SEMA5A: variants seen among roughly 807,000 people sequenced by gnomAD.
SEMA5A encodes the protein semaphorin 5A.
Under a neutral mutation model 135.5 loss-of-function variants are expected in SEMA5A, and 55 were observed. The ratio of observed to expected loss-of-function variants is 0.41; its 90% CI spans 0.33 to 0.51. SEMA5A has a LOEUF of 0.51. Ranked by LOEUF, SEMA5A falls within the 20% of genes least tolerant of loss-of-function variation. The probability of loss-of-function intolerance (pLI) is 0.37; values close to 1 mark genes in which losing one functional copy is unlikely to be tolerated. For missense variants in SEMA5A, 1,290 were observed against 1,419.9 expected, an observed-to-expected ratio of 0.91 and a Z score of 1.47; for synonymous variants, 580 against 546.5, an observed-to-expected ratio of 1.06 and a Z score of -0.85.
chr5:9,197,064 T>C, intron 10 of SEMA5A, 104 bp downstream of exon 10: 2 of 1,477,522 alleles, frequency 1.4e-6, no homozygotes, highest in Non-Finnish European at 1.9e-6. Flanking sequence ...GACAGCTGCA[T>C]GGTGCATGCA....
intron 5 of SEMA5A, among the ~76,000 whole-genome samples, chr5:9,306,005 A>G (rs1751851559): frequency 6.6e-6 from 1 of 152,210 alleles, no homozygotes; most frequent in East Asian, 1.9e-4. Context: ...TCTCTTGAAA[A>G]ACTGGCTATG....
At chr5:9,507,807 A>G (rs1373698046) in intron 1 of SEMA5A, among the ~76,000 whole-genome samples, 2 of 152,076 alleles carry the variant, frequency 1.3e-5, no homozygotes, top group African/African-American at 4.8e-5. Context: ...GATCGAGACC[A>G]TCCTGGCTAA....
rs139906510 is a variant in SEMA5A at position 9,453,456 on chromosome 5, T to A, written c.-174-15604A>T. The stretch of plus-strand genomic sequence containing the variant: ...TGTCTGTTTAAAATGGCCCCAAGCA[T>A]AGGGCTGCAGAACTGGCTGGTATTC... On this transcript the variant is annotated intron_variant, in intron 1 of 22. Transcript: ENST00000382496. 5.7e-3 allele frequency among the ~76,000 whole-genome samples: 869 copies of A among 152,298 alleles called. 10 individuals carry two copies. The highest frequency in any genetic ancestry group is 0.02 in the African/African-American group (828 of 41,574).
At chr5:9,269,026 T>C (rs991850666) in intron 5 of SEMA5A, among the ~76,000 whole-genome samples, 5 of 152,138 alleles carry the variant, frequency 3.3e-5, no homozygotes, top group African/African-American at 7.2e-5. Context: ...TTTTTGTTTC[T>C]CCAGGTTGCA....
chr5:9,377,599 AG>A (rs746396303), intron 3 of SEMA5A, among the ~76,000 whole-genome samples: 8 of 152,178 alleles, frequency 5.3e-5, no homozygotes, highest in Non-Finnish European at 1.0e-4. Flanking sequence ...CAAAACAACT[AG>A]GTTTGCATGA....
chr5:9,397,674 G>C (rs749449760), intron 2 of SEMA5A, among the ~76,000 whole-genome samples: 1 of 152,162 alleles, frequency 6.6e-6, no homozygotes, highest in African/African-American at 2.4e-5. Flanking sequence ...ATAATAAAAA[G>C]TCATGTATCC....
chr5:9,129,018 C>T (rs906567053), intron 13 of SEMA5A, among the ~76,000 whole-genome samples: 1 of 152,188 alleles, frequency 6.6e-6, no homozygotes, highest in Non-Finnish European at 1.5e-5. Flanking sequence ...CTGCACCAGA[C>T]ATTCTTTGTT....
chr5:9,252,664 T>C (rs1748859943), intron 5 of SEMA5A, among the ~76,000 whole-genome samples: 1 of 152,188 alleles, frequency 6.6e-6, no homozygotes, highest in East Asian at 1.9e-4. Context: ...CTGGAGATGG[T>C]AGGACAGATC....
At chr5:9,485,245 A>G (rs960488864) in intron 1 of SEMA5A, among the ~76,000 whole-genome samples, 18 of 148,590 alleles carry the variant, frequency 1.2e-4, no homozygotes, top group African/African-American at 4.5e-4. Flanking sequence ...TCCCACCCCC[A>G]GGCCCTGGAA....
At position 9,379,960 on chromosome 5, in the gene SEMA5A, C is replaced by A. The variant is rs780148257; in HGVS notation, c.-14G>T. ...GGTTCCCTTCATGGTGGGCAAGGGGCCTCTGACTCTGGGCACGTGTCTTCT... is the reference window on the plus strand; with the variant it reads ...GGTTCCCTTCATGGTGGGCAAGGGGACTCTGACTCTGGGCACGTGTCTTCT... On this transcript the variant is annotated 5_prime_UTR_variant, in exon 3 of 23. Coordinates refer to ENST00000382496, the MANE Select transcript of SEMA5A (RefSeq NM_003966.3). 2 of 1,604,112 alleles carry A rather than the reference C, an allele frequency of 1.2e-6. No individual in the cohort carries two copies. The highest frequency in any genetic ancestry group is 4.5e-5 in the East Asian group (2 of 44,670).
At chr5:9,441,078 T>A (rs752723344) in intron 1 of SEMA5A, among the ~76,000 whole-genome samples, 1 of 152,322 alleles carries the variant, frequency 6.6e-6, no homozygotes, top group East Asian at 1.9e-4. Flanking sequence ...AGGCCTCTCA[T>A]CATCAGTCCC....
chr5:9,181,444 T>C (rs1744503411), intron 11 of SEMA5A, among the ~76,000 whole-genome samples: 1 of 152,170 alleles, frequency 6.6e-6, no homozygotes, highest in South Asian at 2.1e-4. Flanking sequence ...AACTATTCTG[T>C]TGTTGCCTTT....
intron 8 of SEMA5A, among the ~76,000 whole-genome samples, chr5:9,222,052 G>GC (rs549623162): frequency 8.7e-4 from 132 of 152,258 alleles, no homozygotes; most frequent in African/African-American, 3.0e-3. Flanking sequence ...CCAAGGGGTG[G>GC]CCCCCCCTGG....
intron 2 of SEMA5A, among the ~76,000 whole-genome samples, chr5:9,433,983 T>C (rs538026627): frequency 6.6e-6 from 1 of 152,330 alleles, no homozygotes; most frequent in African/African-American, 2.4e-5. Context: ...TTTTGAAGCA[T>C]GTACTTCATG....
At chr5:9,367,987 G>A (rs1754987090) in intron 3 of SEMA5A, among the ~76,000 whole-genome samples, 1 of 152,210 alleles carries the variant, frequency 6.6e-6, no homozygotes, top group East Asian at 1.9e-4. Context: ...AAGTCAAGTA[G>A]ATGTTGGTGC....
chr5:9,347,553 T>G (rs780132680), intron 3 of SEMA5A, among the ~76,000 whole-genome samples: 3 of 152,196 alleles, frequency 2.0e-5, no homozygotes, highest in Non-Finnish European at 4.4e-5. Flanking sequence ...TTTTTTTCTT[T>G]TCTTTTTTTT....
rs538927559 is a variant in SEMA5A, at chr5:9,143,306, C to T, written c.1482-6685G>A. On this transcript the variant is annotated intron_variant, in intron 12 of 22. Coordinates refer to ENST00000382496, the MANE Select transcript of SEMA5A (RefSeq NM_003966.3). ...AAATACTAAGTCCAGCAATAATTCA[C>T]ATTACATGCTATGATTTGTAGGTGA... Among the ~76,000 whole-genome samples the T allele has an allele frequency of 1.6e-3, 251 of 152,242 alleles. 1 individual carries two copies. Among genetic ancestry groups the T allele is most frequent in the Non-Finnish European group, 2.9e-3 (197 of 68,024 alleles).
chr5:9,364,201 C>T (rs1489234695), intron 3 of SEMA5A, among the ~76,000 whole-genome samples: 1 of 152,104 alleles, frequency 6.6e-6, no homozygotes, highest in Non-Finnish European at 1.5e-5. Flanking sequence ...TCTCTAAATT[C>T]CAAAGATTGC....
chr5:9,410,994 TTAAA>T (rs1431772140), intron 2 of SEMA5A, among the ~76,000 whole-genome samples: 1 of 150,346 alleles, frequency 6.7e-6, no homozygotes, highest in East Asian at 1.9e-4. Context: ...TTTTTTTTTT[TTAAA>T]TAAAGGCATT....
Sources: gnomAD v4.1 joint callset for allele counts (sites outside exome capture counted in the v4.1 genomes callset) on GRCh38, gnomAD v4.1.1 for gene constraint, MANE v1.5 for transcripts, NCBI Gene and HGNC (gene_info 2026-07-23, HGNC 2026-07-21) for gene names.